Variants in SDK1 observed in about 807,000 individuals in gnomAD.
SDK1 encodes protein sidekick-1.
A neutral mutation model predicts 245.5 loss-of-function variants in SDK1; 157 were observed. The observed-to-expected ratio is 0.64, with a 90% CI of 0.56 to 0.73. The LOEUF is 0.73. Among genes scored for constraint, SDK1 ranks in the 30% least tolerant of loss-of-function variants. The probability of loss-of-function intolerance (pLI) is 0.00; values close to 1 mark genes in which losing one functional copy is unlikely to be tolerated. For missense variants in SDK1, 3,583 were observed against 3,002.3 expected (o/e 1.19, Z -4.52); for synonymous variants, 1,647 against 1,278.5 (o/e 1.29, Z -6.15).
intron 19 of SDK1, among the ~76,000 whole-genome samples, chr7:4,064,552 C>T (rs1390896576): frequency 6.6e-6 from 1 of 152,128 alleles, no homozygotes; most frequent in African/African-American, 2.4e-5. Context: ...AGCCAGCAAT[C>T]CCACTATTGG....
intron 30 of SDK1, among the ~76,000 whole-genome samples, chr7:4,158,193 A>G (rs1056254187): frequency 7.2e-5 from 11 of 152,134 alleles, no homozygotes; most frequent in African/African-American, 2.4e-4. Flanking sequence ...GAGGATTTCA[A>G]CCGTCCAGGT....
intron 22 of SDK1, among the ~76,000 whole-genome samples, chr7:4,092,525 A>T (rs1206724298): frequency 6.6e-6 from 1 of 152,144 alleles, no homozygotes; most frequent in Non-Finnish European, 1.5e-5. Flanking sequence ...ATGGGATGCA[A>T]GACAAACCCA....
In SDK1 at chr7:3,969,374, C is replaced by A. The variant is rs571793069; in HGVS notation, c.1664C>A (p.Ala555Glu). ...GATGCCGGCAACTACACCTGCTATG[C>A]GGCCAACACAGAGGGCTCCCTGAAT... ...IQDAGNYTCY[A>E]ANTEGSLNAS... The change falls in exon 11 of 45, where the codon GCG (alanine) becomes GAG (glutamate). Residue 555 changes from alanine (A) to glutamate (E), a missense_variant. Ala to Glu is a moderately radical substitution (Grantham distance 107, BLOSUM62 -1). Transcript: ENST00000404826. 2 of 1,610,382 alleles carry A rather than the reference C, an allele frequency of 1.2e-6. No individual in the cohort carries two copies.
At chr7:4,223,432 G>C (rs1785249317) in intron 40 of SDK1, among the ~76,000 whole-genome samples, 2 of 152,234 alleles carry the variant, frequency 1.3e-5, no homozygotes, top group Non-Finnish European at 2.9e-5. Context: ...GGTGGCAGCA[G>C]GGCAGGCTCC....
chr7:4,109,681 G>A (rs1435783414), intron 22 of SDK1, among the ~76,000 whole-genome samples: 2 of 152,200 alleles, frequency 1.3e-5, no homozygotes, highest in Non-Finnish European at 1.5e-5. Flanking sequence ...TGGGCACAAG[G>A]CCGTGGCTGT....
At chr7:4,116,077 G>A (rs948543939) in intron 25 of SDK1, among the ~76,000 whole-genome samples, 2 of 152,126 alleles carry the variant, frequency 1.3e-5, no homozygotes, top group African/African-American at 4.8e-5. Context: ...GACACTTGGG[G>A]GGCCCAGGGC....
At chr7:3,786,654 C>T (rs879449657) in intron 4 of SDK1, among the ~76,000 whole-genome samples, 7 of 152,104 alleles carry the variant, frequency 4.6e-5, no homozygotes, top group Admixed American at 2.0e-4. Context: ...GCCTTAATAC[C>T]GATGAATTTT....
chr7:3,593,781 G>A (rs1447546607), intron 1 of SDK1, among the ~76,000 whole-genome samples: 1 of 152,192 alleles, frequency 6.6e-6, no homozygotes, highest in African/African-American at 2.4e-5. Flanking sequence ...GGGTGAGAAC[G>A]TAAGCTCTTG....
intron 38 of SDK1, among the ~76,000 whole-genome samples, 178 bp downstream of exon 38, chr7:4,210,340 G>C (rs1294525909): frequency 6.6e-6 from 1 of 152,190 alleles, no homozygotes; most frequent in Non-Finnish European, 1.5e-5. Context: ...GGGGAGCGGG[G>C]ACTCGCGGGG....
At chr7:3,913,617 T>C (rs1215988268) in intron 5 of SDK1, among the ~76,000 whole-genome samples, 1 of 152,066 alleles carries the variant, frequency 6.6e-6, no homozygotes, top group African/African-American at 2.4e-5. Context: ...TTTATTCCCC[T>C]CATCCATTCT....
intron 5 of SDK1, among the ~76,000 whole-genome samples, chr7:3,935,492 TA>T (rs1276647165): frequency 6.6e-6 from 1 of 152,120 alleles, no homozygotes; most frequent in East Asian, 1.9e-4. Context: ...AATAAGGGAT[TA>T]AAATCGAGAC....
rs1394172318 is a variant in SDK1, at chr7:4,026,471, G to T, written c.2602+9119G>T. On this transcript the variant is annotated intron_variant, in intron 17 of 44. Coordinates refer to ENST00000404826, the MANE Select transcript of SDK1 (RefSeq NM_152744.4). The surrounding 1 kb of genome is among the most constrained non-coding windows in gnomAD (Gnocchi z 4.1). Reference sequence around the variant, plus strand: ...ACGACTGGCTTCACGAGGGCCCGGTGTGCAGACAGCCTGCCAGGGCCTGCG... The same window carrying T: ...ACGACTGGCTTCACGAGGGCCCGGTTTGCAGACAGCCTGCCAGGGCCTGCG... Among the ~76,000 whole-genome samples, 5 of 152,248 alleles carry T rather than the reference G, an allele frequency of 3.3e-5. No homozygotes were observed. Among genetic ancestry groups the T allele is most frequent in the African/African-American group, 1.2e-4 (5 of 41,468 alleles).
intron 1 of SDK1, among the ~76,000 whole-genome samples, chr7:3,476,929 C>A (rs1387452649): frequency 2.0e-5 from 3 of 152,138 alleles, no homozygotes; most frequent in Admixed American, 2.0e-4. Flanking sequence ...ACTGGTGAGG[C>A]ATGCAGGCCT....
intron 1 of SDK1, among the ~76,000 whole-genome samples, chr7:3,370,591 A>ACCCT: frequency 1.3e-5 from 2 of 152,160 alleles, no homozygotes; most frequent in Non-Finnish European, 2.9e-5. Context: ...ACCGCTTCCA[A>ACCCT]ATTCTCGTTA....
chr7:3,398,565 T>G (rs369667245), intron 1 of SDK1, among the ~76,000 whole-genome samples: 1 of 152,024 alleles, frequency 6.6e-6, no homozygotes, highest in South Asian at 2.1e-4. Context: ...CCGGGCATAT[T>G]TCAAAATACT....
At position 3,910,896 on chromosome 7, in the gene SDK1, G is replaced by A. The variant is rs550478934; in HGVS notation, c.848-40027G>A. Among the ~76,000 whole-genome samples the A allele has an allele frequency of 3.3e-5, 5 of 152,244 alleles. No individual in the cohort carries two copies. In the South Asian group the frequency reaches 8.3e-4, roughly 25 times the overall value. The stretch of plus-strand genomic sequence containing the variant: ...GTTGTATCCCATAAATGTGGCCCAC[G>A]CTGTGGAGCAGGGTGGGCCTCTTCC... On this transcript the variant is annotated intron_variant, in intron 5 of 44. Transcript: ENST00000404826.
intron 17 of SDK1, among the ~76,000 whole-genome samples, chr7:4,046,318 T>A (rs1789013895): frequency 6.6e-6 from 1 of 152,220 alleles, no homozygotes; most frequent in Admixed American, 6.5e-5. Flanking sequence ...TGTCTTTTCA[T>A]GAAGTCAGCT....
At chr7:3,478,659 A>G (rs1233540297) in intron 1 of SDK1, among the ~76,000 whole-genome samples, 1 of 152,046 alleles carries the variant, frequency 6.6e-6, no homozygotes, top group Non-Finnish European at 1.5e-5. Context: ...CCAAAGAATC[A>G]AAGGTTTTAT....
chr7:3,523,492 C>A (rs544157929), intron 1 of SDK1, among the ~76,000 whole-genome samples: 1 of 152,072 alleles, frequency 6.6e-6, no homozygotes, highest in Non-Finnish European at 1.5e-5. Context: ...CCTTTCTACC[C>A]CTCTCTGCCT....
Sources: gnomAD v4.1 joint callset for allele counts (sites outside exome capture counted in the v4.1 genomes callset) on GRCh38, gnomAD v4.1.1 for gene constraint, Gnocchi (gnomAD v3.1) non-coding constraint, MANE v1.5 for transcripts, NCBI Gene and HGNC (gene_info 2026-07-23, HGNC 2026-07-21) for gene names.